Variants in MTUS1 observed in about 807,000 individuals in gnomAD.
The protein encoded by MTUS1 is microtubule-associated tumor suppressor 1.
A neutral mutation model predicts 120.8 loss-of-function variants in MTUS1; 109 were observed. The observed-to-expected ratio is 0.90, with a 90% CI of 0.77 to 1.06. The LOEUF (loss-of-function observed/expected upper bound fraction) is 1.06, where lower values mean the gene tolerates loss of function less well. Ranked by LOEUF, MTUS1 falls within the 50% of genes least tolerant of loss-of-function variation. The probability of loss-of-function intolerance (pLI) is 0.00; values close to 1 mark genes in which losing one functional copy is unlikely to be tolerated. For synonymous variants in MTUS1, 737 were observed against 550.5 expected (o/e 1.34, Z -4.74); for missense variants, 2,210 against 1,486.3 (o/e 1.49, Z -8.01).
intron 1 of MTUS1, among the ~76,000 whole-genome samples, chr8:17,795,789 C>A (rs1408004059): frequency 6.6e-6 from 1 of 150,914 alleles, no homozygotes; most frequent in East Asian, 2.0e-4. Flanking sequence ...TAAGCACCCA[C>A]CACCACACCA....
intron 7 of MTUS1, among the ~76,000 whole-genome samples, chr8:17,679,816 T>C (rs1221142901): frequency 1.3e-5 from 2 of 152,182 alleles, no homozygotes; most frequent in Non-Finnish European, 2.9e-5. Context: ...AACTGTTTTA[T>C]AATAGTGCTC....
At chr8:17,702,017 T>G (rs947126681) in intron 6 of MTUS1, among the ~76,000 whole-genome samples, 10 of 152,238 alleles carry the variant, frequency 6.6e-5, no homozygotes, top group Non-Finnish European at 1.2e-4. Context: ...AAAAATGTCT[T>G]TAAAATGTCA....
chr8:17,664,168 G>C (rs7459640), intron 8 of MTUS1: 25 of 152,044 alleles, frequency 1.6e-4, no homozygotes, highest in African/African-American at 6.0e-4. Context: ...ACACACAGAC[G>C]TAGCTATTAT....
chr8:17,684,203 G>C (rs1353584159), intron 7 of MTUS1, 125 bp downstream of exon 7: 2 of 697,708 alleles, frequency 2.9e-6, no homozygotes, highest in Non-Finnish European at 5.0e-6. Context: ...AATGTAATGG[G>C]ATGAATGACA....
intron 1 of MTUS1, among the ~76,000 whole-genome samples, chr8:17,776,337 G>C (rs661815): frequency 9.2e-5 from 14 of 151,772 alleles, no homozygotes; most frequent in African/African-American, 2.9e-4. Flanking sequence ...GACGGTGGGG[G>C]CGGGGGTGAT....
chr8:17,704,934 T>C (rs1473898108), intron 6 of MTUS1, among the ~76,000 whole-genome samples: 3 of 152,236 alleles, frequency 2.0e-5, no homozygotes, highest in African/African-American at 7.2e-5. Flanking sequence ...TATGTGCTAA[T>C]ATAACCTCAG....
intron 6 of MTUS1, among the ~76,000 whole-genome samples, chr8:17,693,019 C>A (rs930469870): frequency 6.6e-6 from 1 of 152,142 alleles, no homozygotes; most frequent in Non-Finnish European, 1.5e-5. Flanking sequence ...TACTGAATTG[C>A]CTTCACTGGA....
intron 6 of MTUS1, among the ~76,000 whole-genome samples, chr8:17,703,315 C>T (rs1191411520): frequency 6.6e-6 from 1 of 152,106 alleles, no homozygotes; most frequent in Non-Finnish European, 1.5e-5. Context: ...TAAACGGCCG[C>T]TCTGGGAGTG....
chr8:17,752,662 T>C (rs929396635), intron 2 of MTUS1, among the ~76,000 whole-genome samples: 2 of 152,198 alleles, frequency 1.3e-5, no homozygotes, highest in Non-Finnish European at 1.5e-5. Context: ...AAGACACACC[T>C]AAGTCAGCCC....
intron 3 of MTUS1, among the ~76,000 whole-genome samples, chr8:17,738,867 G>A (rs1034939586): frequency 2.0e-5 from 3 of 152,054 alleles, no homozygotes; most frequent in Admixed American, 2.0e-4. Flanking sequence ...AGCCTGGTGT[G>A]GTGGTTCATG....
At chr8:17,653,402 C>G in intron 11 of MTUS1, 23 bp downstream of exon 11, 1 of 1,573,228 alleles carries the variant, frequency 6.4e-7, no homozygotes, top group Non-Finnish European at 8.7e-7. Context: ...GTGGGGGATA[C>G]TGGGATATTG....
At chr8:17,700,553 G>A (rs144497227) in intron 6 of MTUS1, among the ~76,000 whole-genome samples, 1 of 150,916 alleles carries the variant, frequency 6.6e-6, no homozygotes, top group East Asian at 1.9e-4. Flanking sequence ...AAAATTTTAT[G>A]CAATGTAGGA....
rs180705202 is a variant in MTUS1, at chr8:17,749,609, C to A, written c.2091+4108G>T. Among the ~76,000 whole-genome samples, 3 of 146,806 alleles carry A rather than the reference C, an allele frequency of 2.0e-5. No homozygotes were observed. In the South Asian group the frequency reaches 6.4e-4, roughly 31 times the overall value. On this transcript the variant is annotated intron_variant, in intron 2 of 14. Transcript: ENST00000693296. ...CCGGGAGGCAGAGGCTGCAGTGAGC[C>A]GAGAGATCACACCACTGCACCCCCA...
chr8:17,757,415 AC>A (rs1311669166), intron 1 of MTUS1, among the ~76,000 whole-genome samples: 1 of 152,252 alleles, frequency 6.6e-6, no homozygotes, highest in African/African-American at 2.4e-5. Flanking sequence ...AAAACTATGT[AC>A]TGATGATGGC....
At chr8:17,684,162 G>C (rs1815227036) in intron 7 of MTUS1, among the ~76,000 whole-genome samples, 166 bp downstream of exon 7, 1 of 152,168 alleles carries the variant, frequency 6.6e-6, no homozygotes, top group African/African-American at 2.4e-5. Flanking sequence ...AATTGCTAGA[G>C]ACCGACTCAA....
chr8:17,777,133 T>C (rs1193763736), intron 1 of MTUS1, among the ~76,000 whole-genome samples: 1 of 152,052 alleles, frequency 6.6e-6, no homozygotes, highest in Non-Finnish European at 1.5e-5. Context: ...CCCCAGCATT[T>C]GGATTTGAAA....
At chr8:17,656,701 G>A (rs1808328020) in intron 8 of MTUS1, among the ~76,000 whole-genome samples, 1 of 151,576 alleles carries the variant, frequency 6.6e-6, no homozygotes, top group African/African-American at 2.4e-5. Flanking sequence ...CATTTCTTAG[G>A]ACAAGCGACT....
At chr8:17,665,505 C>T (rs1433735750) in intron 8 of MTUS1, among the ~76,000 whole-genome samples, 3 of 129,640 alleles carry the variant, frequency 2.3e-5, no homozygotes, top group African/African-American at 8.1e-5. Context: ...GGAGCTGGAT[C>T]TACAACTCCA....
At chr8:17,723,905 A>G in intron 3 of MTUS1, 72 bp from the exon 4 acceptor site, 1 of 1,293,440 alleles carries the variant, frequency 7.7e-7, no homozygotes, top group Non-Finnish European at 1.1e-6. Context: ...TAAGCCTGTA[A>G]ACTCAAACTT....
Sources: allele counts gnomAD v4.1 joint callset (sites outside exome capture counted in the v4.1 genomes callset), GRCh38; gene constraint gnomAD v4.1.1; transcripts MANE v1.5; gene names NCBI Gene and HGNC (gene_info 2026-07-23, HGNC 2026-07-21).